IL12RB1: variants seen among roughly 807,000 people sequenced by gnomAD.
IL12RB1 encodes the protein interleukin 12 receptor subunit beta 1, also known as interleukin-12 receptor subunit beta-1.
Under a neutral mutation model 94.4 loss-of-function variants are expected in IL12RB1, and 64 were observed. That is an observed-to-expected ratio of 0.68 (90% CI 0.55 to 0.83). IL12RB1 has a LOEUF of 0.83. IL12RB1 is among the 40% of genes least tolerant of loss of function. IL12RB1 has a pLI of 0.00. For missense variants in IL12RB1, 814 were observed against 855.6 expected, an observed-to-expected ratio of 0.95 and a Z score of 0.61; for synonymous variants, 362 against 355.5, an observed-to-expected ratio of 1.02 and a Z score of -0.21.
chr19:18,077,236 C>A (rs1281453744), intron 5 of IL12RB1, among the ~76,000 whole-genome samples: 4 of 151,902 alleles, frequency 2.6e-5, no homozygotes, highest in Non-Finnish European at 5.9e-5. Flanking sequence ...TGGGCGCATG[C>A]CTGTAATCCC....
upstream of IL12RB1, among the ~76,000 whole-genome samples, chr19:18,088,747 G>A (rs186630230): frequency 5.3e-3 from 809 of 152,002 alleles, 4 homozygotes; most frequent in Non-Finnish European, 8.3e-3. Context: ...ACATAATGCT[G>A]GGCTGGGTGC....
rs553163198 is a variant in IL12RB1 at position 18,059,875 on chromosome 19, G to C, written c.1983+19C>G. On this transcript the variant is annotated intron_variant, in intron 16 of 16. Coordinates refer to ENST00000593993, the MANE Select transcript of IL12RB1 (RefSeq NM_005535.3). ...GCAGGGTTGCACCCCTGACCGTCTG[G>C]CCCACTGGGCCCCAGGACCTTGGCC... 6.7e-7 allele frequency: 1 copy of C among 1,497,926 alleles called. No individual in the cohort carries two copies. Among genetic ancestry groups the C allele is most frequent in the South Asian group, 1.2e-5 (1 of 83,948 alleles). 92.8% of individuals were successfully genotyped at this position (1,497,926 alleles called of 1,614,324 possible). A position where few individuals can be genotyped will look rare whatever the true frequency, so the allele number is the denominator to read the frequency against.
chr19:18,062,105 G>A, intron 14 of IL12RB1, 76 bp downstream of exon 14: 2 of 991,608 alleles, frequency 2.0e-6, no homozygotes, highest in East Asian at 2.4e-5. Flanking sequence ...CCAATCTGCG[G>A]GCTAAGCTCC....
intron 7 of IL12RB1, among the ~76,000 whole-genome samples, chr19:18,075,032 A>G (rs2035351048): frequency 6.6e-6 from 1 of 151,392 alleles, no homozygotes; most frequent in Non-Finnish European, 1.5e-5. Context: ...AGCCTGGGTG[A>G]CAGAGTGAGA....
At chr19:18,077,677 G>A (rs370407731) in intron 4 of IL12RB1, 22 bp from the exon 5 acceptor site, 17 of 1,529,854 alleles carry the variant, frequency 1.1e-5, no homozygotes, top group Non-Finnish European at 1.5e-5. Context: ...GGTAGGGATT[G>A]GCGAGGGGCA....
rs754089865 is a variant in IL12RB1 at position 18,080,812 on chromosome 19, G to C, written c.409+20C>G. 6.4e-6 allele frequency: 10 copies of C among 1,562,134 alleles called. No individual in the cohort carries two copies. Among genetic ancestry groups the C allele is most frequent in the East Asian group, 4.5e-5 (2 of 44,640 alleles). On this transcript the variant is annotated intron_variant, in intron 4 of 16. Coordinates refer to ENST00000593993, the MANE Select transcript of IL12RB1 (RefSeq NM_005535.3). ...GCCTCTCTGGGTAAAAAACGGACGGGGGGAGAACAAGGTGCTAACCTGAGT... is the reference window on the plus strand; with the variant it reads ...GCCTCTCTGGGTAAAAAACGGACGGCGGGAGAACAAGGTGCTAACCTGAGT...
intron 4 of IL12RB1, among the ~76,000 whole-genome samples, chr19:18,079,411 C>G (rs1183858672): frequency 6.6e-6 from 1 of 151,872 alleles, no homozygotes; most frequent in Non-Finnish European, 1.5e-5. Flanking sequence ...GCCCTTAAAT[C>G]TATTCTTTTA....
At chr19:18,089,294 G>C (rs559208664), upstream of IL12RB1, among the ~76,000 whole-genome samples, 92 of 152,142 alleles carry the variant, frequency 6.0e-4, 2 homozygotes, top group African/African-American at 2.1e-3. Flanking sequence ...GCACAACACT[G>C]AATGTGCTAA....
At chr19:18,064,459 C>A (rs73526150) in intron 12 of IL12RB1, among the ~76,000 whole-genome samples, 3 of 144,606 alleles carry the variant, frequency 2.1e-5, no homozygotes, top group African/African-American at 7.5e-5. Context: ...TCTCTTAATG[C>A]GCCCATTCAT....
At chr19:18,079,681 G>A (rs1489797995) in intron 4 of IL12RB1, among the ~76,000 whole-genome samples, 5 of 151,620 alleles carry the variant, frequency 3.3e-5, no homozygotes, top group Non-Finnish European at 5.9e-5. Flanking sequence ...AGGCTGAGGC[G>A]GGTGGATCAT....
chr19:18,062,291 G>A lies in IL12RB1; in HGVS notation c.1619-14C>T. ...AAACCTGCACTTCTGAGGTGGGAGAGCGTGGGTTGGCAGAGGGCTACCTCC... is the reference window on the plus strand; with the variant it reads ...AAACCTGCACTTCTGAGGTGGGAGAACGTGGGTTGGCAGAGGGCTACCTCC... On this transcript the variant is annotated splice_polypyrimidine_tract_variant and intron_variant, in intron 13 of 16. Transcript: ENST00000593993. 2 of 1,564,920 alleles carry A rather than the reference G, an allele frequency of 1.3e-6. No individual in the cohort carries two copies. The highest frequency in any genetic ancestry group is 1.8e-6 in the Non-Finnish European group (2 of 1,137,778).
At position 18,072,095 on chromosome 19, in the gene IL12RB1, C is replaced by A. The variant is rs772961425; in HGVS notation, c.1021+17G>T. ...CTGAGGGGCCCTCATACCGCCCTCC[C>A]CACCCAGAGGAGGCACCTGTGTGGG... is the stretch of plus-strand genomic sequence containing the variant. On this transcript the variant is annotated intron_variant, in intron 9 of 16. Transcript: ENST00000593993. 1 of 1,549,580 alleles carries A rather than the reference C, an allele frequency of 6.5e-7. No homozygotes were observed. Among genetic ancestry groups the A allele is most frequent in the Non-Finnish European group, 8.9e-7 (1 of 1,121,232 alleles).
At chr19:18,061,221 A>G (rs752521874) in intron 14 of IL12RB1, 24 bp from the exon 15 acceptor site, 1 of 1,258,936 alleles carries the variant, frequency 7.9e-7, no homozygotes, top group Non-Finnish European at 1.1e-6. Context: ...GGGACCAGTG[A>G]GAGGAGCTGA....
rs1247399408 is a variant in IL12RB1, at chr19:18,072,248, G to T, written c.885C>A (p.Ala295=). 6.2e-7 allele frequency: 1 copy of T among 1,613,976 alleles called. No homozygotes were observed. The highest frequency in any genetic ancestry group is 2.2e-5 in the East Asian group (1 of 44,888). ...CCAGGTGCAGGGTCCTGGTGGCCTT[G>T]GCCTTACACGGGCAGGACAGCATGT... ...QLHMLSCPCK[A]KATRTLHLGK... is the part of the protein sequence containing the mutation. Residue 295 remains alanine, a synonymous_variant, in exon 9 of 17, where the codon GCC becomes GCA. Coordinates refer to ENST00000593993, the MANE Select transcript of IL12RB1 (RefSeq NM_005535.3).
At chr19:18,079,951 T>C (rs2035770641) in intron 4 of IL12RB1, among the ~76,000 whole-genome samples, 1 of 152,216 alleles carries the variant, frequency 6.6e-6, no homozygotes, top group African/African-American at 2.4e-5. Flanking sequence ...CATGAAATGT[T>C]TTTGTTTCTG....
chr19:18,084,042 T>C (rs1189129747), intron 1 of IL12RB1, among the ~76,000 whole-genome samples: 3 of 149,160 alleles, frequency 2.0e-5, no homozygotes, highest in Non-Finnish European at 4.4e-5. Flanking sequence ...CATCCATCCA[T>C]CCACCCCACC....
At chr19:18,074,030 G>C (rs946156360) in intron 7 of IL12RB1, among the ~76,000 whole-genome samples, 2 of 152,140 alleles carry the variant, frequency 1.3e-5, no homozygotes, top group Non-Finnish European at 1.5e-5. Flanking sequence ...TCACCATGTT[G>C]GTCAGGCTGT....
At chr19:18,063,675 G>T (rs1211882499) in intron 13 of IL12RB1, among the ~76,000 whole-genome samples, 1 of 152,212 alleles carries the variant, frequency 6.6e-6, no homozygotes, top group Non-Finnish European at 1.5e-5. Flanking sequence ...GCAGGGAAGG[G>T]CCTGCATGGG....
chr19:18,062,897 G>T (rs2034253269), intron 13 of IL12RB1, among the ~76,000 whole-genome samples: 1 of 151,496 alleles, frequency 6.6e-6, no homozygotes, highest in African/African-American at 2.4e-5. Context: ...GTTCCAGTTG[G>T]TTCTCTTGGA....
Sources: gnomAD v4.1 joint callset for allele counts (sites outside exome capture counted in the v4.1 genomes callset) on GRCh38, gnomAD v4.1.1 for gene constraint, MANE v1.5 for transcripts, NCBI Gene and HGNC (gene_info 2026-07-23, HGNC 2026-07-21) for gene names.